Variants in COL22A1 observed in about 807,000 individuals in gnomAD.
The protein encoded by COL22A1 is collagen alpha-1(XXII) chain.
Under a neutral mutation model 248.9 loss-of-function variants are expected in COL22A1, and 221 were observed. That is an observed-to-expected ratio of 0.89 (90% CI 0.80 to 0.99). COL22A1 has a LOEUF of 0.99. Among genes scored for constraint, COL22A1 ranks in the 50% least tolerant of loss-of-function variants. The pLI, the probability that COL22A1 is intolerant of heterozygous loss-of-function variation, is 0.00. For synonymous variants in COL22A1, 891 were observed against 793.4 expected (o/e 1.12, Z -2.07); for missense variants, 2,240 against 2,179.0 (o/e 1.03, Z -0.56).
At chr8:138,782,169 G>T (rs1190418628) in intron 12 of COL22A1, among the ~76,000 whole-genome samples, 1 of 152,186 alleles carries the variant, frequency 6.6e-6, no homozygotes, top group African/African-American at 2.4e-5. Context: ...AATGTCTCTG[G>T]CCATGGCATG....
intron 41 of COL22A1, among the ~76,000 whole-genome samples, chr8:138,671,427 T>G (rs1825015764): frequency 6.6e-6 from 1 of 152,230 alleles, no homozygotes; most frequent in African/African-American, 2.4e-5. Context: ...AGTACTATAA[T>G]AATTTCATGG....
intron 3 of COL22A1, among the ~76,000 whole-genome samples, chr8:138,873,022 C>T (rs1056102556): frequency 6.6e-6 from 1 of 152,162 alleles, no homozygotes; most frequent in African/African-American, 2.4e-5. Context: ...CACATCTGTT[C>T]TAGACACTGG....
At chr8:138,843,963 T>C in intron 4 of COL22A1, 121 bp downstream of exon 4, 1 of 856,316 alleles carries the variant, frequency 1.2e-6, no homozygotes, top group Non-Finnish European at 2.0e-6. Context: ...ATCAGGACTC[T>C]GGTGAAATAT....
intron 4 of COL22A1, among the ~76,000 whole-genome samples, chr8:138,838,941 C>A (rs1409848067): frequency 1.3e-5 from 2 of 152,132 alleles, no homozygotes; most frequent in Non-Finnish European, 2.9e-5. Context: ...CAGCAAAGGT[C>A]GACCTGGATG....
chr8:138,845,534 A>AATAC (rs925401721), intron 3 of COL22A1, among the ~76,000 whole-genome samples: 2 of 151,802 alleles, frequency 1.3e-5, no homozygotes, highest in African/African-American at 4.8e-5. Flanking sequence ...TAAATAAATA[A>AATAC]ATAAATAAAT....
At chr8:138,812,835 T>A (rs1470240918) in intron 8 of COL22A1, 104 bp downstream of exon 8, 2 of 862,548 alleles carry the variant, frequency 2.3e-6, no homozygotes, top group Non-Finnish European at 3.9e-6. Context: ...ATGGTGGATG[T>A]CTCCCTGACC....
At position 138,716,723 on chromosome 8, in the gene COL22A1, C is replaced by G. The variant is rs1204425309; in HGVS notation, c.2400+102G>C. On this transcript the variant is annotated intron_variant, in intron 28 of 64. Transcript: ENST00000303045. ...GGACATATAGTGAGCTCCCAAAAAC[C>G]AGGATTAATTCCTCTTGGCATCTAA... 16 of 876,590 alleles carry G rather than the reference C, an allele frequency of 1.8e-5. No homozygotes were observed. The Admixed American group carries it at 2.2e-4, about 12-fold the overall frequency. 54.3% of individuals were successfully genotyped at this position (876,590 alleles called of 1,614,324 possible).
intron 1 of COL22A1, among the ~76,000 whole-genome samples, chr8:138,902,093 A>G (rs1036405605): frequency 1.3e-5 from 2 of 152,140 alleles, no homozygotes; most frequent in Admixed American, 6.5e-5. Context: ...AGGAAGAGGC[A>G]TGGGGGAGTT....
chr8:138,657,744 G>T (rs971438688), intron 44 of COL22A1, among the ~76,000 whole-genome samples: 4 of 152,076 alleles, frequency 2.6e-5, no homozygotes, highest in Admixed American at 6.5e-5. Flanking sequence ...ACAGTGTGGG[G>T]ATGTAGATGC....
intron 48 of COL22A1, among the ~76,000 whole-genome samples, chr8:138,636,137 C>T (rs1350870838): frequency 6.6e-6 from 1 of 152,044 alleles, no homozygotes; most frequent in Non-Finnish European, 1.5e-5. Context: ...ACAGTCATTT[C>T]CGTTGGCAGG....
intron 16 of COL22A1, among the ~76,000 whole-genome samples, chr8:138,763,038 A>C (rs1157361715): frequency 6.6e-6 from 1 of 152,092 alleles, no homozygotes; most frequent in African/African-American, 2.4e-5. Flanking sequence ...TGTTTTGATT[A>C]CCCTGGGGAT....
intron 3 of COL22A1, among the ~76,000 whole-genome samples, chr8:138,867,867 C>T (rs192547481): frequency 2.6e-5 from 4 of 152,122 alleles, no homozygotes; most frequent in African/African-American, 7.2e-5. Flanking sequence ...CTGGTTCAAG[C>T]GAGTCTCGTG....
chr8:138,689,162 G>C (rs181314181), intron 36 of COL22A1, among the ~76,000 whole-genome samples, 192 bp from the exon 37 acceptor site: 1,939 of 145,622 alleles, frequency 0.013, 21 homozygotes, highest in Non-Finnish European at 0.018. Flanking sequence ...CTCTCCCGGG[G>C]GGGGGGCTGG....
chr8:138,737,048 A>G (rs10098259), intron 23 of COL22A1, among the ~76,000 whole-genome samples: 65,935 of 151,958 alleles, frequency 0.43, 15,631 homozygotes, highest in African/African-American at 0.62. Flanking sequence ...CCTGTGCTCC[A>G]GCGGCACCAC....
At chr8:138,715,813 A>G in intron 29 of COL22A1, 78 bp from the exon 30 acceptor site, 1 of 1,044,016 alleles carries the variant, frequency 9.6e-7, no homozygotes, top group Non-Finnish European at 1.5e-6. Flanking sequence ...TAAGAGCAAC[A>G]TGACTTTGGA....
At chr8:138,623,607 T>C in intron 52 of COL22A1, 125 bp downstream of exon 52, 2 of 791,132 alleles carry the variant, frequency 2.5e-6, no homozygotes, top group Non-Finnish European at 4.2e-6. Flanking sequence ...AGTATGTAAA[T>C]GAAATAATGC....
At chr8:138,896,867 C>T (rs185670276) in intron 1 of COL22A1, among the ~76,000 whole-genome samples, 71 of 151,886 alleles carry the variant, frequency 4.7e-4, no homozygotes, top group African/African-American at 1.6e-3. Context: ...CAGCTACTTG[C>T]GGGGCTGAGG....
intron 4 of COL22A1, among the ~76,000 whole-genome samples, chr8:138,840,273 T>C (rs1820783894): frequency 6.6e-6 from 1 of 152,144 alleles, no homozygotes; most frequent in African/African-American, 2.4e-5. Flanking sequence ...AGACGGTAGA[T>C]AAAGCAGGTT....
At chr8:138,900,134 GA>G (rs1376888663) in intron 1 of COL22A1, among the ~76,000 whole-genome samples, 3 of 152,220 alleles carry the variant, frequency 2.0e-5, no homozygotes, top group Non-Finnish European at 4.4e-5. Context: ...ATACCGCCCA[GA>G]AGGGGTAGAA....
Sources: allele counts gnomAD v4.1 joint callset (sites outside exome capture counted in the v4.1 genomes callset), GRCh38; gene constraint gnomAD v4.1.1; transcripts MANE v1.5; gene names NCBI Gene and HGNC (gene_info 2026-07-23, HGNC 2026-07-21).